The following MYL3 variants were observed in gnomAD, a reference collection of about 807,000 sequenced individuals.
The protein encoded by MYL3 is CMLC1.
In MYL3, 11 loss-of-function variants were observed where a neutral mutation model predicts 21.3. The ratio of observed to expected loss-of-function variants is 0.52; its 90% CI spans 0.32 to 0.85. The LOEUF is 0.85. Ranked by LOEUF, MYL3 falls within the 40% of genes least tolerant of loss-of-function variation. The pLI is 0.03. For missense variants in MYL3, 206 were observed against 253.3 expected, an observed-to-expected ratio of 0.81 and a Z score of 1.27; for synonymous variants, 88 against 91.6, an observed-to-expected ratio of 0.96 and a Z score of 0.22.
At chr3:46,870,012 AC>A (rs2106922037) in intron 1 of MYL3, among the ~76,000 whole-genome samples, 1 of 152,102 alleles carries the variant, frequency 6.6e-6, no homozygotes, top group South Asian at 2.1e-4. Flanking sequence ...AGAGACTGAG[AC>A]AGAGATGGGA....
chr3:46,867,191 C>A (rs962600797), upstream of MYL3, among the ~76,000 whole-genome samples: 2 of 152,076 alleles, frequency 1.3e-5, no homozygotes, highest in African/African-American at 4.8e-5. Context: ...ACCTTCAACC[C>A]AGACTCCGGA....
chr3:46,863,369 G>A lies in MYL3; in HGVS notation c.22C>T (p.Pro8Ser). The A allele has an allele frequency of 6.2e-7, 1 of 1,613,640 alleles. No homozygotes were observed. The highest frequency in any genetic ancestry group is 8.5e-7 in the Non-Finnish European group (1 of 1,179,998). The change falls in exon 1 of 7, where the codon CCC becomes TCC. Residue 8 changes from proline (P) to serine (S), a missense_variant. Transcript: ENST00000292327. ...GCTGCCTTGGCATCATCCTTCTTGG[G>A]CTCTGGCTTTTTGGGGGCCATTGGG... is the stretch of plus-strand genomic sequence containing the variant. Reference protein sequence around the residue: MAPKKPEPKKDDAKAAPK... With the variant: MAPKKPESKKDDAKAAPK...
rs1424552552 is a variant in MYL3 at position 46,870,144 on chromosome 3, C to T, written c.-217-3544G>A. Among the ~76,000 whole-genome samples, 3 of 152,132 alleles carry T rather than the reference C, an allele frequency of 2.0e-5. No individual in the cohort carries two copies. In the East Asian group the frequency reaches 5.8e-4, roughly 29 times the overall value. ...AAAGGATGTACCTTCCTGGAGCCTG[C>T]AGACACGTACGCATGCACACCATCA... On this transcript the variant is annotated intron_variant, in intron 1 of 3. Transcript: ENST00000431168.
chr3:46,870,552 C>G (rs1702099494), intron 1 of MYL3, among the ~76,000 whole-genome samples: 1 of 152,028 alleles, frequency 6.6e-6, no homozygotes, highest in Admixed American at 6.6e-5. Context: ...AGTGGCCATA[C>G]AAAAATCCTC....
In MYL3 at chr3:46,863,272, G is replaced by A; in HGVS notation, c.119C>T (p.Ser40Phe). ...ERPKEVEFDA[S>F]KIKIEFTPEQ... ...AGCTTCCATACCCACCTTGATCTTGGAAGCATCAAACTCGACCTCCTTAGG... is the reference window on the plus strand; with the variant it reads ...AGCTTCCATACCCACCTTGATCTTGAAAGCATCAAACTCGACCTCCTTAGG... The change falls in exon 1 of 7, where the codon TCC (serine) becomes TTC (phenylalanine). Residue 40 changes from serine (S) to phenylalanine (F), a missense_variant. Coordinates refer to ENST00000292327, the MANE Select transcript of MYL3 (RefSeq NM_000258.3). The A allele has an allele frequency of 1.9e-6, 3 of 1,614,130 alleles. No homozygotes were observed. The highest frequency in any genetic ancestry group is 2.5e-6 in the Non-Finnish European group (3 of 1,180,024).
chr3:46,867,508 A>T (rs949243229), upstream of MYL3, among the ~76,000 whole-genome samples: 1 of 152,242 alleles, frequency 6.6e-6, no homozygotes, highest in Non-Finnish European at 1.5e-5. Context: ...GGGAGCTCAG[A>T]CTATGGTTGC....
At chr3:46,880,601 T>C (rs985580571) in intron 1 of MYL3, among the ~76,000 whole-genome samples, 1 of 152,068 alleles carries the variant, frequency 6.6e-6, no homozygotes. Flanking sequence ...ATTAGCCAGG[T>C]TGGTGGTACA....
chr3:46,865,371 A>G (rs1035123576), upstream of MYL3, among the ~76,000 whole-genome samples: 42 of 152,112 alleles, frequency 2.8e-4, no homozygotes, highest in Admixed American at 2.8e-3. This position sits in a 1 kb window ranked among gnomAD's most constrained non-coding sequence, Gnocchi z 4.3. Flanking sequence ...AGCCAGAAAT[A>G]CCACAAGAGG....
intron 1 of MYL3, among the ~76,000 whole-genome samples, chr3:46,869,834 A>G (rs1702091862): frequency 6.6e-6 from 1 of 152,186 alleles, no homozygotes; most frequent in South Asian, 2.1e-4. Flanking sequence ...CAGGAGAAAA[A>G]AAAACCCGTC....
At chr3:46,863,525 A>G, upstream of MYL3, 1 of 933,452 alleles carries the variant, frequency 1.1e-6, no homozygotes, top group East Asian at 2.7e-5. Context: ...CACAATAGGG[A>G]CAGGGCCATA....
At chr3:46,873,691 G>A (rs1170961519) in intron 1 of MYL3, among the ~76,000 whole-genome samples, 1 of 152,202 alleles carries the variant, frequency 6.6e-6, no homozygotes, top group East Asian at 1.9e-4. Flanking sequence ...ATGGCCCTGA[G>A]TTCAGTGCTC....
intron 1 of MYL3, among the ~76,000 whole-genome samples, chr3:46,869,234 C>T (rs1702079326): frequency 6.6e-6 from 1 of 152,018 alleles, no homozygotes; most frequent in Non-Finnish European, 1.5e-5. Flanking sequence ...TATTTATTGT[C>T]CTTGGAAGAA....
chr3:46,876,451 C>G (rs1387673011), intron 1 of MYL3, among the ~76,000 whole-genome samples: 1 of 152,206 alleles, frequency 6.6e-6, no homozygotes, highest in Non-Finnish European at 1.5e-5. Context: ...CCCCTTGGAG[C>G]AGTGCACTTC....
At chr3:46,875,111 C>T (rs942488825) in intron 1 of MYL3, among the ~76,000 whole-genome samples, 1 of 152,178 alleles carries the variant, frequency 6.6e-6, no homozygotes, top group Non-Finnish European at 1.5e-5. Context: ...AGATTTGGAC[C>T]CCCAAGCCAC....
Position 46,863,402 on chromosome 3 carries a change from A to G in MYL3, c.-12T>C. 7 of 1,612,742 alleles carry G rather than the reference A, an allele frequency of 4.3e-6. No individual in the cohort carries two copies. Among genetic ancestry groups the G allele is most frequent in the Non-Finnish European group, 5.9e-6 (7 of 1,179,862 alleles). Reference sequence around the variant, plus strand: ...TTTTTGGGGGCCATTGGGGGCTGTAAGTACAGAGAGGGATGTGGAGAGAAG... The same window carrying G: ...TTTTTGGGGGCCATTGGGGGCTGTAGGTACAGAGAGGGATGTGGAGAGAAG... On this transcript the variant is annotated 5_prime_UTR_variant, in exon 1 of 7. Transcript: ENST00000292327.
chr3:46,872,399 G>C (rs1451603505), intron 1 of MYL3, among the ~76,000 whole-genome samples: 2 of 152,198 alleles, frequency 1.3e-5, no homozygotes, highest in African/African-American at 4.8e-5. Flanking sequence ...AAGCAGGACA[G>C]CCTCTGTGGG....
chr3:46,864,762 G>C (rs988746094), upstream of MYL3, among the ~76,000 whole-genome samples: 1 of 152,158 alleles, frequency 6.6e-6, no homozygotes, highest in Admixed American at 6.5e-5. The surrounding 1 kb of genome is among the most constrained non-coding windows in gnomAD (Gnocchi z 4.7). Flanking sequence ...TGCCCATCCT[G>C]CAGTGCCCGG....
At position 46,858,231 on chromosome 3, in the gene MYL3, C is replaced by A. The variant is rs750826728; in HGVS notation, c.*13G>T. 8 of 1,614,150 alleles carry A rather than the reference C, an allele frequency of 5.0e-6. No individual in the cohort carries two copies. The Admixed American group carries it at 1.3e-4, about 27-fold the overall frequency. On this transcript the variant is annotated splice_region_variant and 3_prime_UTR_variant, in exon 6 of 7. Coordinates refer to ENST00000292327, the MANE Select transcript of MYL3 (RefSeq NM_000258.3). The stretch of plus-strand genomic sequence containing the variant: ...GGTTCAGGAGGGAGTGGGTGCCTAC[C>A]TGGGCACGAGGTTTAGCTGGACATG...
At chr3:46,881,858 G>A (rs1575505823) in intron 1 of MYL3, among the ~76,000 whole-genome samples, 1 of 152,128 alleles carries the variant, frequency 6.6e-6, no homozygotes, top group African/African-American at 2.4e-5. Flanking sequence ...GCGCGCGGGG[G>A]TACCGGGCAG....
Sources: gnomAD v4.1 joint callset for allele counts (sites outside exome capture counted in the v4.1 genomes callset) on GRCh38, gnomAD v4.1.1 for gene constraint, Gnocchi (gnomAD v3.1) non-coding constraint, MANE v1.5 for transcripts, NCBI Gene and HGNC (gene_info 2026-07-23, HGNC 2026-07-21) for gene names.